WDPCP: variants seen among roughly 807,000 people sequenced by gnomAD.
WDPCP encodes WD repeat containing planar cell polarity effector, also known as WD repeat-containing and planar cell polarity effector protein fritz homolog.
Under a neutral mutation model 93.1 loss-of-function variants are expected in WDPCP, and 71 were observed. The observed-to-expected ratio is 0.76, with a 90% CI of 0.63 to 0.93. The LOEUF (loss-of-function observed/expected upper bound fraction) is 0.93. Among genes scored for constraint, WDPCP ranks in the 40% least tolerant of loss-of-function variants. The pLI is 0.00. For missense variants in WDPCP, 844 were observed against 887.4 expected (o/e 0.95, Z 0.62); for synonymous variants, 315 against 315.0 (o/e 1.00, Z 0.00).
intron 3 of WDPCP, among the ~76,000 whole-genome samples, chr2:63,633,981 G>A (rs565905659): frequency 6.6e-6 from 1 of 152,124 alleles, no homozygotes; most frequent in Non-Finnish European, 1.5e-5. Flanking sequence ...AGAATCACTT[G>A]AACCTGGGAG....
intron 2 of WDPCP, among the ~76,000 whole-genome samples, chr2:63,812,330 T>C (rs2104092650): frequency 6.6e-6 from 1 of 152,318 alleles, no homozygotes; most frequent in African/African-American, 2.4e-5. Context: ...GGCACCTAGA[T>C]TGATTCCATG....
intron 2 of WDPCP, among the ~76,000 whole-genome samples, chr2:63,720,249 C>G (rs1020794486): frequency 6.6e-6 from 1 of 151,830 alleles, no homozygotes; most frequent in African/African-American, 2.4e-5. Context: ...AACCCCATCT[C>G]TATAAGATAC....
chr2:63,563,777 G>A (rs187484899), intron 1 of WDPCP, among the ~76,000 whole-genome samples: 4 of 152,190 alleles, frequency 2.6e-5, no homozygotes, highest in African/African-American at 9.6e-5. Flanking sequence ...ACCATATGAT[G>A]CCTTCTACCA....
chr2:63,541,627 T>G (rs1406485711), intron 1 of WDPCP, among the ~76,000 whole-genome samples: 2 of 152,192 alleles, frequency 1.3e-5, no homozygotes, highest in African/African-American at 2.4e-5. Flanking sequence ...TTTCTGCCCT[T>G]ATTTCCCCCT....
At chr2:63,838,963 C>T in the WDPCP span, among the ~76,000 whole-genome samples, 3 of 152,120 alleles carry the variant, frequency 2.0e-5, no homozygotes, top group African/African-American at 7.2e-5. Context: ...TTTATAAGTA[C>T]TGTTTGGAAA....
chr2:63,672,200 G>A (rs1201372723), intron 2 of WDPCP, among the ~76,000 whole-genome samples: 1 of 152,174 alleles, frequency 6.6e-6, no homozygotes, highest in Non-Finnish European at 1.5e-5. Context: ...GACACACGGG[G>A]AGTCTTGTTT....
chr2:63,354,366 T>C (rs1195241985), intron 12 of WDPCP, among the ~76,000 whole-genome samples: 3 of 152,066 alleles, frequency 2.0e-5, no homozygotes, highest in African/African-American at 4.8e-5. Context: ...TGCCTCCAAG[T>C]TGGGGAAGGA....
intron 1 of WDPCP, among the ~76,000 whole-genome samples, chr2:63,562,421 G>T (rs1445000901): frequency 6.6e-6 from 1 of 152,136 alleles, no homozygotes; most frequent in Non-Finnish European, 1.5e-5. Flanking sequence ...TAATGCATGT[G>T]GGGCTTAATA....
At chr2:63,477,327 G>T (rs1369328271) in intron 6 of WDPCP, among the ~76,000 whole-genome samples, 1 of 151,786 alleles carries the variant, frequency 6.6e-6, no homozygotes, top group African/African-American at 2.4e-5. Flanking sequence ...GATTTTAGGA[G>T]ACAAAAAAAA....
intron 2 of WDPCP, among the ~76,000 whole-genome samples, chr2:63,777,456 AC>A (rs1670321478): frequency 6.6e-6 from 1 of 152,142 alleles, no homozygotes; most frequent in African/African-American, 2.4e-5. Flanking sequence ...ACATCCAAAG[AC>A]CTGTAGTTGA....
In WDPCP at chr2:63,585,862, G is replaced by C. The variant is rs1171671398; in HGVS notation, c.75+2335C>G. Among the ~76,000 whole-genome samples the C allele has an allele frequency of 7.9e-5, 11 of 139,188 alleles. No homozygotes were observed. In the Admixed American group the frequency reaches 8.3e-4, roughly 10 times the overall value. The allele number at this position is 139,188 out of a possible 152,430, so 91.3% of individuals were successfully genotyped here. ...TTTTTTTTTTTTTTTTTTGAGACAG[G>C]ATCTCCCTTTGTCGCCCAGGCTGGG... On this transcript the variant is annotated intron_variant, in intron 1 of 17. Coordinates refer to ENST00000272321, the MANE Select transcript of WDPCP (RefSeq NM_015910.7).
intron 17 of WDPCP, 50 bp from the exon 18 acceptor site, chr2:63,122,106 G>A: frequency 7.1e-7 from 1 of 1,401,510 alleles, no homozygotes; most frequent in Middle Eastern, 1.8e-4. Flanking sequence ...AAAAGTAATT[G>A]ACTTAACATT....
chr2:63,826,187 TCTTA>T (rs1671111342), intron 1 of WDPCP, among the ~76,000 whole-genome samples: 1 of 151,998 alleles, frequency 6.6e-6, no homozygotes, highest in Non-Finnish European at 1.5e-5. Context: ...AAGTATGGTG[TCTTA>T]CTTCTTATAA....
At position 63,304,516 on chromosome 2, in the gene WDPCP, G is replaced by A. The variant is rs556053542; in HGVS notation, c.1812+8732C>T. ...CCCTCCCCTAGCCAAGGGAAGCTGT[G>A]AGGGACTGTGCTGTGAGGGACTGTA... On this transcript the variant is annotated intron_variant, in intron 13 of 17. Transcript: ENST00000272321. Among the ~76,000 whole-genome samples the A allele has an allele frequency of 3.3e-4, 50 of 152,300 alleles. 2 individuals carry two copies. In the South Asian group the frequency reaches 0.01, roughly 32 times the overall value.
the WDPCP span, among the ~76,000 whole-genome samples, chr2:63,838,785 C>T: frequency 1.3e-5 from 2 of 152,170 alleles, no homozygotes; most frequent in African/African-American, 4.8e-5. Flanking sequence ...GCTTTCTAAG[C>T]ATGTCTTTGC....
chr2:63,442,631 T>TA (rs1373350526), intron 6 of WDPCP: 2 of 152,188 alleles, frequency 1.3e-5, no homozygotes, highest in African/African-American at 2.4e-5. Flanking sequence ...TTACAATTAG[T>TA]AAAAAATGCA....
chr2:63,647,859 T>A (rs374370283), intron 3 of WDPCP, among the ~76,000 whole-genome samples: 2 of 152,290 alleles, frequency 1.3e-5, no homozygotes, highest in African/African-American at 4.8e-5. Flanking sequence ...TAAAAAAAAC[T>A]TGGTTCTTGG....
intron 6 of WDPCP, chr2:63,441,962 C>T (rs1325537567): frequency 1.3e-5 from 2 of 152,212 alleles, no homozygotes; most frequent in African/African-American, 4.8e-5. Context: ...AAGCAAATAA[C>T]TAATAAAGTG....
At chr2:63,623,521 A>G (rs1485373875) in intron 3 of WDPCP, among the ~76,000 whole-genome samples, 3 of 152,326 alleles carry the variant, frequency 2.0e-5, no homozygotes, top group South Asian at 2.1e-4. Context: ...AAAAAAAAAA[A>G]AGAAGGGGTT....
Sources: gnomAD v4.1 joint callset for allele counts (sites outside exome capture counted in the v4.1 genomes callset) on GRCh38, gnomAD v4.1.1 for gene constraint, MANE v1.5 for transcripts, NCBI Gene and HGNC (gene_info 2026-07-23, HGNC 2026-07-21) for gene names.